IFNLR1: variants seen among roughly 807,000 people sequenced by gnomAD.
IFNLR1 encodes interferon lambda receptor 1, also known as CRF2-12.
A neutral mutation model predicts 52.5 loss-of-function variants in IFNLR1; 28 were observed. The ratio of observed to expected loss-of-function variants is 0.53; its 90% CI spans 0.40 to 0.73. The LOEUF is 0.73. Ranked by LOEUF, IFNLR1 falls within the 30% of genes least tolerant of loss-of-function variation. The pLI is 0.00. For synonymous variants in IFNLR1, 276 were observed against 274.9 expected (o/e 1.00, Z -0.04); for missense variants, 623 against 659.1 (o/e 0.95, Z 0.60).
At chr1:24,181,396 AG>A (rs1644689378) in intron 1 of IFNLR1, among the ~76,000 whole-genome samples, 1 of 152,204 alleles carries the variant, frequency 6.6e-6, no homozygotes, top group African/African-American at 2.4e-5. Flanking sequence ...AAGAACTTCG[AG>A]GCATCTCTCC....
intron 3 of IFNLR1, among the ~76,000 whole-genome samples, chr1:24,168,471 CGGTTACTAGCGGTATCAAGTCCACT>C (rs376269275): frequency 5.3e-5 from 8 of 152,186 alleles, no homozygotes; most frequent in Admixed American, 1.3e-4. Context: ...CTATGTCCAC[CGGTTACTAGCGGTATCAAGTCCACT>C]GGTTACTAGC....
intron 5 of IFNLR1, 66 bp from the exon 6 acceptor site, chr1:24,159,248 G>A (rs896458269): frequency 5.7e-6 from 9 of 1,569,724 alleles, no homozygotes; most frequent in South Asian, 2.3e-5. Flanking sequence ...CACCTGTGCC[G>A]AGTGCTTCAC....
intron 2 of IFNLR1, among the ~76,000 whole-genome samples, chr1:24,175,750 C>T (rs918945493): frequency 1.3e-5 from 2 of 151,938 alleles, no homozygotes; most frequent in East Asian, 1.9e-4. Flanking sequence ...CTGGCTAACA[C>T]GGTGAAACCC....
At chr1:24,161,164 CCTT>C (rs1486755984) in intron 4 of IFNLR1, among the ~76,000 whole-genome samples, 1 of 152,206 alleles carries the variant, frequency 6.6e-6, no homozygotes. Context: ...GACTATCTGG[CCTT>C]CTTCGGGAAA....
intron 1 of IFNLR1, among the ~76,000 whole-genome samples, chr1:24,186,577 T>C (rs1456399719): frequency 6.6e-6 from 1 of 152,040 alleles, no homozygotes; most frequent in Non-Finnish European, 1.5e-5. Context: ...CCTGCTTCGG[T>C]TGGAGTCGTG....
chr1:24,174,775 T>C (rs1404896989), intron 2 of IFNLR1, among the ~76,000 whole-genome samples: 3 of 152,032 alleles, frequency 2.0e-5, no homozygotes, highest in Non-Finnish European at 4.4e-5. Flanking sequence ...CTGCTTATAG[T>C]AAAATGTGAG....
chr1:24,170,670 T>C (rs1299844971), intron 2 of IFNLR1, among the ~76,000 whole-genome samples: 1 of 152,224 alleles, frequency 6.6e-6, no homozygotes, highest in Admixed American at 6.5e-5. Context: ...AACATGTTTT[T>C]ACAAGATCAC....
Position 24,159,583 on chromosome 1 carries a change from C to T in IFNLR1, c.561G>A (p.Gln187=). 6.2e-7 allele frequency: 1 copy of T among 1,614,062 alleles called. No homozygotes were observed. The highest frequency in any genetic ancestry group is 1.1e-5 in the South Asian group (1 of 91,078). The change falls in exon 5 of 7, where the codon CAG becomes CAA. Residue 187 remains glutamine (Q), a synonymous_variant. Transcript: ENST00000327535. Reference sequence around the variant, plus strand: ...GGCAGTGGTGTTCGCTGGCAGCTGGCTGGAGAGTGATCTGGACTGGCTGGC... The same window carrying T: ...GGCAGTGGTGTTCGCTGGCAGCTGGTTGGAGAGTGATCTGGACTGGCTGGC... ...PHGQPVQITL[Q]PAASEHHCLS...
At chr1:24,180,595 C>T in intron 2 of IFNLR1, 136 bp downstream of exon 2, 1 of 808,334 alleles carries the variant, frequency 1.2e-6, no homozygotes, top group Non-Finnish European at 2.0e-6. Context: ...AAATGCCGGC[C>T]ACATGCCATC....
chr1:24,166,913 T>C (rs1459970578), intron 3 of IFNLR1, among the ~76,000 whole-genome samples: 2 of 152,130 alleles, frequency 1.3e-5, no homozygotes, highest in Non-Finnish European at 2.9e-5. Context: ...TTAGCTGCAC[T>C]AAGGGATACC....
rs752556880 is a variant in IFNLR1, at chr1:24,154,955, G to A, written c.*2175C>T. The A allele has an allele frequency of 6.6e-6, 1 of 152,220 alleles. No individual in the cohort carries two copies. 9.4% of individuals were successfully genotyped at this position (152,220 alleles called of 1,614,324 possible). A position where few individuals can be genotyped will look rare whatever the true frequency, so the allele number is the denominator to read the frequency against. ...GGTAAGGTTTAAGAATAGAAACGGAGTGGTTATTTCATACAAGTCTAAGAT... is the reference window on the plus strand; with the variant it reads ...GGTAAGGTTTAAGAATAGAAACGGAATGGTTATTTCATACAAGTCTAAGAT... On this transcript the variant is annotated 3_prime_UTR_variant, in exon 7 of 7. Coordinates refer to ENST00000327535, the MANE Select transcript of IFNLR1 (RefSeq NM_170743.4).
Position 24,157,234 on chromosome 1 carries a change from T to C in IFNLR1, c.1459A>G (p.Arg487Gly). 3.1e-6 allele frequency: 5 copies of C among 1,614,150 alleles called. No homozygotes were observed. The highest frequency in any genetic ancestry group is 4.2e-6 in the Non-Finnish European group (5 of 1,180,020). The change falls in exon 7 of 7, where the codon AGG (arginine) becomes GGG (glycine). Residue 487 changes from arginine (R) to glycine (G), a missense_variant. By Grantham distance (125) the Arg-to-Gly change is moderately radical. Transcript: ENST00000327535. This position sits in a 1 kb window ranked among gnomAD's most constrained non-coding sequence, Gnocchi z 5.1. ...ESSPEEEEEA[R>G]ESEIEDSDAG... is the part of the protein sequence containing the mutation. ...TCGCTGTCCTCAATTTCTGATTCCCTCGCCTCCTCTTCCTCCTCAGGGCTG... is the reference window on the plus strand; with the variant it reads ...TCGCTGTCCTCAATTTCTGATTCCCCCGCCTCCTCTTCCTCCTCAGGGCTG...
chr1:24,167,887 C>T (rs1644535953), intron 3 of IFNLR1, among the ~76,000 whole-genome samples: 1 of 151,538 alleles, frequency 6.6e-6, no homozygotes, highest in Non-Finnish European at 1.5e-5. Context: ...TTAGTAGAGT[C>T]GGGGTTTCAC....
At chr1:24,171,953 C>T (rs1021120980) in intron 2 of IFNLR1, among the ~76,000 whole-genome samples, 5 of 152,078 alleles carry the variant, frequency 3.3e-5, no homozygotes, top group African/African-American at 4.8e-5. Flanking sequence ...TGAGCCACCA[C>T]TCCTGGCCCA....
At chr1:24,163,200 C>T (rs943168827) in intron 3 of IFNLR1, among the ~76,000 whole-genome samples, 7 of 151,940 alleles carry the variant, frequency 4.6e-5, no homozygotes. Flanking sequence ...GACTTCAAGT[C>T]TTGGCCCCGC....
chr1:24,187,225 G>A lies in IFNLR1; in HGVS notation c.24C>T (p.Gly8=), dbSNP rs372656259. MAGPERW[G]PLLLCLLQAA... is the part of the protein sequence containing the mutation. ...CCTGCAGCAGGCACAGGAGCAGGGG[G>A]CCCCAGCGCTCGGGCCCCGCCATGG... Residue 8 remains glycine, a synonymous_variant, in exon 1 of 7, where the codon GGC becomes GGT. Transcript: ENST00000327535. 12 of 1,291,912 alleles carry A rather than the reference G, an allele frequency of 9.3e-6. No individual in the cohort carries two copies. Among genetic ancestry groups the A allele is most frequent in the African/African-American group, 7.7e-5 (5 of 64,800 alleles). The allele number at this position is 1,291,912 out of a possible 1,614,324, so 80.0% of individuals were successfully genotyped here. A position where few individuals can be genotyped will look rare whatever the true frequency, so the allele number is the denominator to read the frequency against.
At chr1:24,158,082 T>G (rs1644402053) in intron 6 of IFNLR1, among the ~76,000 whole-genome samples, 191 bp from the exon 7 acceptor site, 1 of 152,184 alleles carries the variant, frequency 6.6e-6, no homozygotes, top group African/African-American at 2.4e-5. Context: ...ATCAAGCAGC[T>G]GACCACTAGG....
chr1:24,175,316 G>GC (rs1557650636), intron 2 of IFNLR1, among the ~76,000 whole-genome samples: 3 of 152,206 alleles, frequency 2.0e-5, no homozygotes, highest in African/African-American at 7.2e-5. Flanking sequence ...TAGGGCTGCC[G>GC]CCCCAGTGGG....
chr1:24,170,933 T>C (rs1056947593), intron 2 of IFNLR1, among the ~76,000 whole-genome samples: 2 of 152,204 alleles, frequency 1.3e-5, no homozygotes, highest in African/African-American at 2.4e-5. Flanking sequence ...AAAGAACCAA[T>C]TCCTCTGTTT....
Sources: allele counts gnomAD v4.1 joint callset (sites outside exome capture counted in the v4.1 genomes callset), GRCh38; gene constraint gnomAD v4.1.1; non-coding constraint Gnocchi (gnomAD v3.1); transcripts MANE v1.5; gene names NCBI Gene and HGNC (gene_info 2026-07-23, HGNC 2026-07-21).